RBFOX2: variants seen among roughly 807,000 people sequenced by gnomAD.
The protein encoded by RBFOX2 is RNA binding protein fox-1 homolog 2.
RBFOX2 carries 10 observed loss-of-function variants against 49.1 expected under a neutral mutation model. That is an observed-to-expected ratio of 0.20 (90% CI 0.13 to 0.35). The LOEUF is 0.35. RBFOX2 is among the 10% of genes least tolerant of loss of function. The pLI is 1.00. For missense variants in RBFOX2, 323 were observed against 486.9 expected (o/e 0.66, Z 3.17); for synonymous variants, 183 against 187.4 (o/e 0.98, Z 0.19).
chr22:36,004,460 C>T (rs978605420), intron 1 of RBFOX2, among the ~76,000 whole-genome samples: 16 of 152,250 alleles, frequency 1.1e-4, no homozygotes, highest in East Asian at 5.8e-4. Context: ...CACTAGGTAA[C>T]GTGCACTCAG....
rs2058332244 is a variant in RBFOX2 at position 35,999,719 on chromosome 22, T to TG, written c.186+28520dup. The TG allele has an allele frequency of 3.3e-5, 5 of 151,890 alleles. 1 individual carries two copies. The South Asian group carries it at 1.0e-3, about 32-fold the overall frequency. The allele number at this position is 151,890 out of a possible 1,614,324, so 9.4% of individuals were successfully genotyped here. ...TAAACAGAAAGATAGCCCATGTTCA[T>TG]GGGGGAAAAAAGAGGATTTTGGTTA... On this transcript the variant is annotated intron_variant, in intron 1 of 13. Coordinates refer to the RBFOX2 transcript ENST00000438146.
chr22:35,778,345 C>G lies in RBFOX2; in HGVS notation c.400-267G>C, dbSNP rs573412837. On this transcript the variant is annotated intron_variant, in intron 3 of 11. Transcript: ENST00000405409. Reference sequence around the variant, plus strand: ...TTAGATACTTCATGTGGACAAGAACCTGGAATTTTCCTAACTACATCTCTT... The same window carrying G: ...TTAGATACTTCATGTGGACAAGAACGTGGAATTTTCCTAACTACATCTCTT... Among the ~76,000 whole-genome samples, 17 of 152,118 alleles carry G rather than the reference C, an allele frequency of 1.1e-4. 1 individual carries two copies. The highest frequency in any genetic ancestry group is 1.1e-3 in the Admixed American group (17 of 15,266).
At chr22:35,946,085 A>G (rs1010092907) in intron 1 of RBFOX2, among the ~76,000 whole-genome samples, 1 of 152,130 alleles carries the variant, frequency 6.6e-6, no homozygotes, top group African/African-American at 2.4e-5. Flanking sequence ...CTTGAAGATT[A>G]TCTTTGAAAC....
intron 8 of RBFOX2, among the ~76,000 whole-genome samples, chr22:35,760,869 G>T (rs1938560943): frequency 6.6e-6 from 1 of 152,218 alleles, no homozygotes; most frequent in South Asian, 2.1e-4. Context: ...CTCTGCTGGA[G>T]AACCTGTGGC....
At chr22:35,855,277 C>T (rs917770557) in intron 1 of RBFOX2, among the ~76,000 whole-genome samples, 1 of 152,164 alleles carries the variant, frequency 6.6e-6, no homozygotes, top group Non-Finnish European at 1.5e-5. Flanking sequence ...TTCAAGTTTA[C>T]ACTCTACAAT....
intron 1 of RBFOX2, among the ~76,000 whole-genome samples, chr22:35,882,235 C>G (rs1431269475): frequency 6.6e-6 from 1 of 151,990 alleles, no homozygotes. Flanking sequence ...GTCAAGTATC[C>G]AAGAAAGTGA....
At chr22:35,787,198 CAT>C (rs1465189332) in intron 2 of RBFOX2, among the ~76,000 whole-genome samples, 1 of 152,146 alleles carries the variant, frequency 6.6e-6, no homozygotes, top group African/African-American at 2.4e-5. Flanking sequence ...AGCCACTACA[CAT>C]GACTAATTTT....
At chr22:35,822,827 CTTTT>C (rs57822436) in intron 1 of RBFOX2, 54 of 389,384 alleles carry the variant, frequency 1.4e-4, no homozygotes, top group East Asian at 2.3e-4. Flanking sequence ...TTTGGGTTGT[CTTTT>C]TTTTTTTTTT....
At chr22:35,931,128 T>A (rs1368061263) in intron 1 of RBFOX2, among the ~76,000 whole-genome samples, 2 of 151,964 alleles carry the variant, frequency 1.3e-5, no homozygotes, top group Non-Finnish European at 1.5e-5. Context: ...CTAGAGGGTG[T>A]AAGGACAACA....
intron 1 of RBFOX2, among the ~76,000 whole-genome samples, chr22:35,894,722 G>A (rs2149396608): frequency 6.6e-6 from 1 of 152,196 alleles, no homozygotes; most frequent in South Asian, 2.1e-4. Flanking sequence ...GTGCTCTGTG[G>A]GGAGGCCATT....
chr22:35,892,613 C>A (rs902696741), intron 1 of RBFOX2, among the ~76,000 whole-genome samples: 3 of 152,144 alleles, frequency 2.0e-5, no homozygotes, highest in African/African-American at 7.2e-5. Flanking sequence ...TTCTAGAATA[C>A]TCAGAAAGAG....
chr22:35,920,492 G>A (rs1021635810), intron 1 of RBFOX2, among the ~76,000 whole-genome samples: 1 of 152,052 alleles, frequency 6.6e-6, no homozygotes, highest in East Asian at 1.9e-4. Flanking sequence ...TTATTTCTGG[G>A]CTCACTTTAA....
intron 9 of RBFOX2, chr22:35,747,792 T>C (rs2145850651): frequency 6.6e-6 from 1 of 152,360 alleles, no homozygotes; most frequent in East Asian, 1.9e-4. Context: ...TTTATTTCTG[T>C]GGATAAAATG....
At chr22:35,932,173 C>T (rs538452997) in intron 1 of RBFOX2, among the ~76,000 whole-genome samples, 1 of 152,156 alleles carries the variant, frequency 6.6e-6, no homozygotes, top group South Asian at 2.1e-4. Context: ...AAGTAGTCAT[C>T]ATTTCTTCAA....
chr22:35,753,242 G>A (rs1270092659), intron 9 of RBFOX2, among the ~76,000 whole-genome samples: 1 of 152,194 alleles, frequency 6.6e-6, no homozygotes, highest in African/African-American at 2.4e-5. Context: ...TTCCACAGAT[G>A]GGAAATGTAT....
At chr22:35,828,399 A>G (rs1171770166) in intron 1 of RBFOX2, among the ~76,000 whole-genome samples, 1 of 152,174 alleles carries the variant, frequency 6.6e-6, no homozygotes, top group Non-Finnish European at 1.5e-5. Context: ...GGGTTCCATG[A>G]ATTGAGAAGA....
chr22:35,885,360 A>G (rs2046427240), intron 1 of RBFOX2, among the ~76,000 whole-genome samples: 1 of 152,204 alleles, frequency 6.6e-6, no homozygotes, highest in South Asian at 2.1e-4. Flanking sequence ...GAAGCAGAAT[A>G]AATAAATCAT....
At chr22:35,934,370 G>A (rs983974332) in intron 1 of RBFOX2, among the ~76,000 whole-genome samples, 1 of 151,932 alleles carries the variant, frequency 6.6e-6, no homozygotes, top group South Asian at 2.1e-4. Flanking sequence ...TCAACCAATT[G>A]TTTAGATTAA....
At chr22:35,905,346 G>A (rs1157568116) in intron 1 of RBFOX2, among the ~76,000 whole-genome samples, 2 of 152,216 alleles carry the variant, frequency 1.3e-5, no homozygotes, top group East Asian at 3.9e-4. Context: ...ACTTAGTAAG[G>A]CAAAACCAGC....
Sources: allele counts gnomAD v4.1 joint callset (sites outside exome capture counted in the v4.1 genomes callset), GRCh38; gene constraint gnomAD v4.1.1; transcripts MANE v1.5; gene names NCBI Gene and HGNC (gene_info 2026-07-23, HGNC 2026-07-21).